LRRC38: variants seen among roughly 807,000 people sequenced by gnomAD.
LRRC38 encodes leucine rich repeat containing 38, also known as leucine-rich repeat-containing protein 38.
In LRRC38, 5 loss-of-function variants were observed where a neutral mutation model predicts 16.4. That is an observed-to-expected ratio of 0.31 (90% CI 0.16 to 0.64). The LOEUF is 0.64. LRRC38 is among the 30% of genes least tolerant of loss of function. The probability of loss-of-function intolerance (pLI) is 0.80; values close to 1 mark genes in which losing one functional copy is unlikely to be tolerated. For missense variants in LRRC38, 341 were observed against 401.8 expected (o/e 0.85, Z 1.29); for synonymous variants, 191 against 190.2 (o/e 1.00, Z -0.04).
intron 1 of LRRC38, among the ~76,000 whole-genome samples, chr1:13,508,510 T>C (rs1253681686): frequency 6.6e-6 from 1 of 152,212 alleles, no homozygotes; most frequent in Non-Finnish European, 1.5e-5. Flanking sequence ...AAAAAAATCA[T>C]TTTGCGAATG....
intron 1 of LRRC38, among the ~76,000 whole-genome samples, chr1:13,485,696 T>C (rs1638925079): frequency 6.6e-6 from 1 of 152,174 alleles, no homozygotes; most frequent in Non-Finnish European, 1.5e-5. Flanking sequence ...GCTACCTCCA[T>C]TGGTGGCCTG....
Position 13,513,210 on chromosome 1 carries a change from C to T in LRRC38, c.384G>A (p.Gly128=), listed in dbSNP as rs1639295374. The change falls in exon 1 of 2, where the codon GGG becomes GGA. Residue 128 remains glycine, a synonymous_variant. Coordinates refer to ENST00000376085, the MANE Select transcript of LRRC38 (RefSeq NM_001010847.2). ...TAGCCAGGCTAAGCTTCACCAGCCTCCCGGCCGAGCGGAAGGCGCCGGCGC... is the reference window on the plus strand; with the variant it reads ...TAGCCAGGCTAAGCTTCACCAGCCTTCCGGCCGAGCGGAAGGCGCCGGCGC... ...QLGAGAFRSA[G]RLVKLSLANN... is the part of the protein sequence containing the mutation. 1 of 1,550,500 alleles carries T rather than the reference C, an allele frequency of 6.4e-7. No homozygotes were observed. Among genetic ancestry groups the T allele is most frequent in the Admixed American group, 2.0e-5 (1 of 51,012 alleles).
chr1:13,486,008 G>A (rs1011075621), intron 1 of LRRC38, among the ~76,000 whole-genome samples: 4 of 152,000 alleles, frequency 2.6e-5, no homozygotes, highest in Non-Finnish European at 5.9e-5. Flanking sequence ...GTGTAATCTC[G>A]GCTCACTGCA....
chr1:13,505,936 C>CCATCTGGGCTGTGGGAGGGAGCT (rs1553121251), intron 1 of LRRC38, among the ~76,000 whole-genome samples: 6 of 149,120 alleles, frequency 4.0e-5, no homozygotes, highest in Non-Finnish European at 8.9e-5. Context: ...AAGGAGGGGC[C>CCATCTGGGCTGTGGGAGGGAGCT]CGTCTGGGCT....
intron 1 of LRRC38, among the ~76,000 whole-genome samples, chr1:13,506,020 C>T (rs895906762): frequency 6.6e-6 from 1 of 151,532 alleles, no homozygotes; most frequent in African/African-American, 2.4e-5. Context: ...CTGTGTTGTA[C>T]GAGCCTCTGG....
intron 1 of LRRC38, among the ~76,000 whole-genome samples, chr1:13,481,771 CCCTCTCTCCCTCTCTCCCTCTCTCT>C (rs1638869702): frequency 3.8e-5 from 1 of 26,022 alleles, no homozygotes. Context: ...CCCTCTCTCT[CCCTCTCTCCCTCTCTCCCTCTCTCT>C]CTCTCTCTCT....
chr1:13,495,164 G>T (rs77464110), intron 1 of LRRC38, among the ~76,000 whole-genome samples: 1 of 152,128 alleles, frequency 6.6e-6, no homozygotes, highest in African/African-American at 2.4e-5. Flanking sequence ...AAATATTCAC[G>T]AAGGAAAGAA....
intron 1 of LRRC38, among the ~76,000 whole-genome samples, chr1:13,481,664 G>A (rs1188625423): frequency 6.6e-6 from 1 of 151,974 alleles, no homozygotes; most frequent in Non-Finnish European, 1.5e-5. Context: ...CAAAGTACTG[G>A]GATTACAGGC....
At chr1:13,492,657 G>A (rs190912614) in intron 1 of LRRC38, among the ~76,000 whole-genome samples, 46 of 151,984 alleles carry the variant, frequency 3.0e-4, no homozygotes, top group African/African-American at 7.2e-5. Context: ...AGCTGAGATC[G>A]CACCAGTGCA....
At chr1:13,479,292 CACAG>C (rs567541036) in intron 1 of LRRC38, among the ~76,000 whole-genome samples, 53 of 152,262 alleles carry the variant, frequency 3.5e-4, no homozygotes, top group African/African-American at 1.2e-3. Flanking sequence ...CTGTGTGAAG[CACAG>C]ACAGTTTCTA....
At chr1:13,492,461 G>A (rs1482718360) in intron 1 of LRRC38, among the ~76,000 whole-genome samples, 1 of 152,158 alleles carries the variant, frequency 6.6e-6, no homozygotes, top group Non-Finnish European at 1.5e-5. Flanking sequence ...AGCACTTTGG[G>A]AGGCCGAGGT....
At chr1:13,508,875 CG>C in intron 1 of LRRC38, among the ~76,000 whole-genome samples, 1 of 152,278 alleles carries the variant, frequency 6.6e-6, no homozygotes, top group South Asian at 2.1e-4. Flanking sequence ...CATCAGAAAA[CG>C]GAAGTGGAGC....
intron 1 of LRRC38, among the ~76,000 whole-genome samples, chr1:13,494,561 C>A (rs1012841174): frequency 6.6e-6 from 1 of 152,154 alleles, no homozygotes; most frequent in South Asian, 2.1e-4. Context: ...TTTGCCCAGG[C>A]TCACACAGCT....
At chr1:13,504,072 A>G (rs1639180943) in intron 1 of LRRC38, among the ~76,000 whole-genome samples, 1 of 152,244 alleles carries the variant, frequency 6.6e-6, no homozygotes, top group Non-Finnish European at 1.5e-5. Flanking sequence ...TGGGTTTCAT[A>G]TATCTGTATA....
At position 13,483,585 on chromosome 1, in the gene LRRC38, G is replaced by A. The variant is rs758588392; in HGVS notation, c.632-7486C>T. Among the ~76,000 whole-genome samples the A allele has an allele frequency of 1.1e-3, 165 of 152,216 alleles. 1 individual carries two copies. Among genetic ancestry groups the A allele is most frequent in the Non-Finnish European group, 1.3e-3 (91 of 67,996 alleles). Reference sequence around the variant, plus strand: ...AGCTTCTGGACACCCTTGTCAGAAGGGCTCCCTGGATGCCCTGAAATACAG... The same window carrying A: ...AGCTTCTGGACACCCTTGTCAGAAGAGCTCCCTGGATGCCCTGAAATACAG... On this transcript the variant is annotated intron_variant, in intron 1 of 1. Transcript: ENST00000376085.
intron 1 of LRRC38, among the ~76,000 whole-genome samples, chr1:13,486,780 G>A (rs1270117228): frequency 3.9e-5 from 6 of 152,006 alleles, no homozygotes; most frequent in Non-Finnish European, 7.4e-5. Context: ...TAGTAGAGAC[G>A]AGATTTCGCC....
At chr1:13,476,598 G>A (rs1161678244) in intron 1 of LRRC38, among the ~76,000 whole-genome samples, 1 of 152,158 alleles carries the variant, frequency 6.6e-6, no homozygotes, top group Non-Finnish European at 1.5e-5. Context: ...GAAAGTGCTG[G>A]GATTACAGGC....
At chr1:13,478,551 A>C (rs2100487737) in intron 1 of LRRC38, among the ~76,000 whole-genome samples, 1 of 152,338 alleles carries the variant, frequency 6.6e-6, no homozygotes, top group African/African-American at 2.4e-5. Context: ...AACTGCCTTC[A>C]GCCTCTGCTT....
At chr1:13,503,875 G>C (rs1015370927) in intron 1 of LRRC38, among the ~76,000 whole-genome samples, 1 of 152,170 alleles carries the variant, frequency 6.6e-6, no homozygotes, top group East Asian at 1.9e-4. Context: ...CTGACTCCCT[G>C]ACCTTGACAT....
Sources: gnomAD v4.1 joint callset for allele counts (sites outside exome capture counted in the v4.1 genomes callset) on GRCh38, gnomAD v4.1.1 for gene constraint, MANE v1.5 for transcripts, NCBI Gene and HGNC (gene_info 2026-07-23, HGNC 2026-07-21) for gene names.